The following CCDC92B variants were observed in gnomAD, a reference collection of about 807,000 sequenced individuals.
CCDC92B encodes coiled-coil domain containing 92B.
CCDC92B carries 2 observed loss-of-function variants against 5.6 expected under a neutral mutation model. That is an observed-to-expected ratio of 0.36 (90% CI 0.15 to 1.12). The LOEUF (loss-of-function observed/expected upper bound fraction) is 1.12, where lower values mean the gene tolerates loss of function less well. Ranked by LOEUF, CCDC92B falls within the 50% of genes most tolerant of loss-of-function variation. CCDC92B has a pLI of 0.40. For synonymous variants in CCDC92B, 115 were observed against 122.3 expected, an observed-to-expected ratio of 0.94 and a Z score of 0.39; for missense variants, 271 against 262.2, an observed-to-expected ratio of 1.03 and a Z score of -0.23.
chr17:2,724,707 G>C lies in CCDC92B; in HGVS notation c.472C>G (p.Pro158Ala). 1.0e-6 allele frequency: 1 copy of C among 982,988 alleles called. No homozygotes were observed. Among genetic ancestry groups the C allele is most frequent in the Middle Eastern group, 5.2e-4 (1 of 1,908 alleles). 60.9% of individuals were successfully genotyped at this position (982,988 alleles called of 1,614,324 possible). A position where few individuals can be genotyped will look rare whatever the true frequency, so the allele number is the denominator to read the frequency against. Residue 158 changes from proline (P) to alanine (A), a missense_variant, in exon 4 of 4, where the codon CCC becomes GCC. Pro to Ala is a conservative substitution (Grantham distance 27, BLOSUM62 -1). Transcript: ENST00000614400. The surrounding 1 kb of genome is among the most constrained non-coding windows in gnomAD (Gnocchi z 5.0). ...GGCCTGGGCTCGGCGGTGGCGCCGGGGCCCGGGCGCGGGGCCTGCAGTCTC... is the reference window on the plus strand; with the variant it reads ...GGCCTGGGCTCGGCGGTGGCGCCGGCGCCCGGGCGCGGGGCCTGCAGTCTC... The part of the protein sequence containing the change: ...RQRLQAPRPG[P>A]GATAEPRPRR...
Position 2,726,953 on chromosome 17 carries a change from C to T in CCDC92B, c.179-1953G>A, listed in dbSNP as rs74580132. ...TTTTGAGACAAAGTCTCCCTCTTGC[C>T]AGGCTGGAGTGCAGCGGCATAGCTC... On this transcript the variant is annotated intron_variant, in intron 3 of 3. Transcript: ENST00000614400. Among the ~76,000 whole-genome samples, 655 of 150,750 alleles carry T rather than the reference C, an allele frequency of 4.3e-3. 4 individuals are homozygous for T. Among genetic ancestry groups the T allele is most frequent in the African/African-American group, 0.015 (616 of 40,676 alleles).
rs900363436 is a variant in CCDC92B, at chr17:2,721,955, C to G, written c.*2456G>C. On this transcript the variant is annotated 3_prime_UTR_variant, in exon 4 of 4. Coordinates refer to ENST00000614400, the MANE Select transcript of CCDC92B (RefSeq NM_001355573.2). ...TGCGGTGGGGGCCCCTAGCTGGACA[C>G]CCTGGATGCCCAGGAGGGAAGGGGG... 6.6e-6 allele frequency: 1 copy of G among 152,040 alleles called. No homozygotes were observed. Among genetic ancestry groups the G allele is most frequent in the Non-Finnish European group, 1.5e-5 (1 of 68,080 alleles). 9.4% of individuals were successfully genotyped at this position (152,040 alleles called of 1,614,324 possible).
At chr17:2,725,339 C>A (rs188938902) in intron 3 of CCDC92B, among the ~76,000 whole-genome samples, 4 of 151,996 alleles carry the variant, frequency 2.6e-5, no homozygotes, top group African/African-American at 9.6e-5. Context: ...GCCGAGATCA[C>A]GCCACTGCTC....
chr17:2,736,161 G>A (rs2070855172), intron 1 of CCDC92B, among the ~76,000 whole-genome samples: 1 of 152,188 alleles, frequency 6.6e-6, no homozygotes, highest in African/African-American at 2.4e-5. Context: ...CGGGCGCGGT[G>A]GCTCACACAG....
chr17:2,728,617 A>C (rs2070763304), intron 3 of CCDC92B, among the ~76,000 whole-genome samples: 1 of 152,072 alleles, frequency 6.6e-6, no homozygotes. Context: ...AAAAAAAACA[A>C]AAAAAACAAA....
intron 1 of CCDC92B, among the ~76,000 whole-genome samples, chr17:2,737,951 G>T (rs987062722): frequency 2.6e-5 from 4 of 152,072 alleles, no homozygotes; most frequent in African/African-American, 9.7e-5. Flanking sequence ...AAGGGCTCTC[G>T]TACCGCTTCA....
At position 2,723,262 on chromosome 17, in the gene CCDC92B, T is replaced by A. The variant is rs1022343764; in HGVS notation, c.*1149A>T. On this transcript the variant is annotated 3_prime_UTR_variant, in exon 4 of 4. Coordinates refer to ENST00000614400, the MANE Select transcript of CCDC92B (RefSeq NM_001355573.2). The stretch of plus-strand genomic sequence containing the variant: ...TGGAGTGCAGTGGCGCGATCTTGGC[T>A]CACTGCAACCTCTGCCTCCCAGGTT... The A allele has an allele frequency of 1.3e-5, 2 of 153,262 alleles. No homozygotes were observed. Among genetic ancestry groups the A allele is most frequent in the African/African-American group, 2.4e-5 (1 of 41,468 alleles). 9.5% of individuals were successfully genotyped at this position (153,262 alleles called of 1,614,324 possible).
Position 2,724,808 on chromosome 17 carries a change from G to C in CCDC92B, c.371C>G (p.Thr124Ser). 1.0e-6 allele frequency: 1 copy of C among 984,852 alleles called. No individual in the cohort carries two copies. The allele number at this position is 984,852 out of a possible 1,614,324, so 61.0% of individuals were successfully genotyped here. Reference sequence around the variant, plus strand: ...CTTCTGCAGCTCGGTGCCCAGCACGGTGGCGCGGTGGCTGCGGCGGCGCAG... The same window carrying C: ...CTTCTGCAGCTCGGTGCCCAGCACGCTGGCGCGGTGGCTGCGGCGGCGCAG... Reference protein sequence around the residue: ...EELRRRSHRATVLGTELQKHT... With the variant: ...EELRRRSHRASVLGTELQKHT... The change falls in exon 4 of 4, where the codon ACC becomes AGC. Residue 124 changes from threonine (T) to serine (S), a missense_variant. Coordinates refer to ENST00000614400, the MANE Select transcript of CCDC92B (RefSeq NM_001355573.2). The surrounding 1 kb of genome is among the most constrained non-coding windows in gnomAD (Gnocchi z 5.0).
At chr17:2,728,839 G>A (rs886686235) in intron 3 of CCDC92B, among the ~76,000 whole-genome samples, 2 of 152,154 alleles carry the variant, frequency 1.3e-5, no homozygotes, top group East Asian at 1.9e-4. Context: ...GTCCAAGTTC[G>A]TAAGTGTTTA....
chr17:2,742,695 G>A (rs1431842274), intron 1 of CCDC92B, among the ~76,000 whole-genome samples: 5 of 151,944 alleles, frequency 3.3e-5, no homozygotes, highest in South Asian at 2.1e-4. Flanking sequence ...GCTATTGACC[G>A]CCAAAATAAC....
rs2070692196 is a variant in CCDC92B at position 2,724,059 on chromosome 17, C to A, written c.*352G>T. ...CGTAGGCGAGCCCAGCCCTCCCCAC[C>A]CCACCAAGGATTGTCGGCTTTCCCG... On this transcript the variant is annotated 3_prime_UTR_variant, in exon 4 of 4. Transcript: ENST00000614400. The surrounding 1 kb of genome is among the most constrained non-coding windows in gnomAD (Gnocchi z 5.0). 2.0e-6 allele frequency: 2 copies of A among 985,130 alleles called. No homozygotes were observed. Among genetic ancestry groups the A allele is most frequent in the Admixed American group, 6.2e-5 (1 of 16,258 alleles). 61.0% of individuals were successfully genotyped at this position (985,130 alleles called of 1,614,324 possible).
At chr17:2,740,459 C>A (rs966290937) in intron 1 of CCDC92B, among the ~76,000 whole-genome samples, 5 of 151,790 alleles carry the variant, frequency 3.3e-5, no homozygotes, top group Admixed American at 3.3e-4. Context: ...GTCAAGAGAT[C>A]GAGACCAGCC....
chr17:2,721,559 A>T lies in CCDC92B; in HGVS notation c.*2852T>A, dbSNP rs1439175178. 3 of 152,350 alleles carry T rather than the reference A, an allele frequency of 2.0e-5. No individual in the cohort carries two copies. Among genetic ancestry groups the T allele is most frequent in the African/African-American group, 7.2e-5 (3 of 41,546 alleles). The allele number at this position is 152,350 out of a possible 1,614,324, so 9.4% of individuals were successfully genotyped here. ...GGAGAGTTGGGCCCCTGTGGCCAAG[A>T]GCGGGCCATGCACTCCAGCTCCCAG... is the stretch of plus-strand genomic sequence containing the variant. On this transcript the variant is annotated 3_prime_UTR_variant, in exon 4 of 4. Transcript: ENST00000614400.
rs1474587837 is a variant in CCDC92B at position 2,723,091 on chromosome 17, G to C, written c.*1320C>G. ...TAGGTTTAGGGGCATCCGTGGAGGG[G>C]GCCAGGATGGGGACTAACCTGTGCT... On this transcript the variant is annotated 3_prime_UTR_variant, in exon 4 of 4. Coordinates refer to ENST00000614400, the MANE Select transcript of CCDC92B (RefSeq NM_001355573.2). 6.5e-6 allele frequency: 1 copy of C among 152,982 alleles called. No individual in the cohort carries two copies. The highest frequency in any genetic ancestry group is 1.5e-5 in the Non-Finnish European group (1 of 68,692). 9.5% of individuals were successfully genotyped at this position (152,982 alleles called of 1,614,324 possible). A position where few individuals can be genotyped will look rare whatever the true frequency, so the allele number is the denominator to read the frequency against.
At chr17:2,741,580 G>A (rs1244605111) in intron 1 of CCDC92B, among the ~76,000 whole-genome samples, 4 of 148,910 alleles carry the variant, frequency 2.7e-5, no homozygotes, top group Admixed American at 2.0e-4. Context: ...TTGGGAGGCC[G>A]AGGCAGGAGA....
At chr17:2,739,112 A>G (rs1437135216) in intron 1 of CCDC92B, among the ~76,000 whole-genome samples, 1 of 151,566 alleles carries the variant, frequency 6.6e-6, no homozygotes, top group East Asian at 1.9e-4. Flanking sequence ...TCACGCCTGT[A>G]ATCCCAGCAC....
chr17:2,748,174 C>G lies in CCDC92B; in HGVS notation c.-24+1237G>C, dbSNP rs372806140. 3.5e-5 allele frequency: 19 copies of G among 541,716 alleles called. 1 individual carries two copies. Among genetic ancestry groups the G allele is most frequent in the Admixed American group, 1.4e-4 (7 of 51,570 alleles). 33.6% of individuals were successfully genotyped at this position (541,716 alleles called of 1,614,324 possible). ...TCTTCTTCTCTTTTGGATTCTATCT[C>G]TTGCTGCTCTGATGACAAACTCTTC... On this transcript the variant is annotated intron_variant, in intron 1 of 3. Transcript: ENST00000614400.
rs1307027684 is a variant in CCDC92B at position 2,749,581 on chromosome 17, G to A, written c.-194C>T. On this transcript the variant is annotated 5_prime_UTR_variant, in exon 1 of 4. Transcript: ENST00000614400. Reference sequence around the variant, plus strand: ...CGGGGCAGTCGGGCCGGGGCTCCGGGGGGCTCGGGGGCGCCGAAGGGGGGT... The same window carrying A: ...CGGGGCAGTCGGGCCGGGGCTCCGGAGGGCTCGGGGGCGCCGAAGGGGGGT... The A allele has an allele frequency of 6.6e-6, 1 of 150,848 alleles. No homozygotes were observed. The highest frequency in any genetic ancestry group is 2.4e-5 in the African/African-American group (1 of 41,072). 9.3% of individuals were successfully genotyped at this position (150,848 alleles called of 1,614,324 possible). A position where few individuals can be genotyped will look rare whatever the true frequency, so the allele number is the denominator to read the frequency against.
chr17:2,735,862 C>T (rs1232374353), intron 1 of CCDC92B, among the ~76,000 whole-genome samples: 1 of 152,200 alleles, frequency 6.6e-6, no homozygotes. Flanking sequence ...TGAGCCCTTT[C>T]CCTCTGTGGG....
Sources: gnomAD v4.1 joint callset for allele counts (sites outside exome capture counted in the v4.1 genomes callset) on GRCh38, gnomAD v4.1.1 for gene constraint, Gnocchi (gnomAD v3.1) non-coding constraint, MANE v1.5 for transcripts, NCBI Gene and HGNC (gene_info 2026-07-23, HGNC 2026-07-21) for gene names.